The following VAV3 variants were observed in gnomAD, a reference collection of about 807,000 sequenced individuals.
VAV3 encodes guanine nucleotide exchange factor VAV3.
Under a neutral mutation model 131.2 loss-of-function variants are expected in VAV3, and 94 were observed. That is an observed-to-expected ratio of 0.72 (90% CI 0.61 to 0.85). The LOEUF (loss-of-function observed/expected upper bound fraction) is 0.85, where lower values mean the gene tolerates loss of function less well. Ranked by LOEUF, VAV3 falls within the 40% of genes least tolerant of loss-of-function variation. VAV3 has a pLI of 0.00. For missense variants in VAV3, 939 were observed against 1,002.7 expected (o/e 0.94, Z 0.86); for synonymous variants, 349 against 342.0 (o/e 1.02, Z -0.22).
Position 107,572,057 on chromosome 1 carries a change from G to C in VAV3, c.*1274C>G, listed in dbSNP as rs1286416497. The C allele has an allele frequency of 6.6e-6, 1 of 152,174 alleles. No homozygotes were observed. The highest frequency in any genetic ancestry group is 2.4e-5 in the African/African-American group (1 of 41,424). The allele number at this position is 152,174 out of a possible 1,614,324, so 9.4% of individuals were successfully genotyped here. On this transcript the variant is annotated 3_prime_UTR_variant, in exon 27 of 27. Transcript: ENST00000370056. ...GGAGGAAATATTTCCATCAGGAAAGGGCCAAGTTAGTGTCTTAACTTGACT... is the reference window on the plus strand; with the variant it reads ...GGAGGAAATATTTCCATCAGGAAAGCGCCAAGTTAGTGTCTTAACTTGACT...
chr1:107,825,555 T>C (rs1232544908), intron 2 of VAV3, among the ~76,000 whole-genome samples: 1 of 152,118 alleles, frequency 6.6e-6, no homozygotes. Flanking sequence ...TACTTTCTCA[T>C]TCCCATATGA....
intron 24 of VAV3, among the ~76,000 whole-genome samples, chr1:107,601,846 A>G (rs920336749): frequency 6.6e-6 from 1 of 152,204 alleles, no homozygotes; most frequent in African/African-American, 2.4e-5. Context: ...CCATTTAAAT[A>G]TACAATTCCT....
At chr1:107,637,796 T>C (rs2101464861) in intron 20 of VAV3, among the ~76,000 whole-genome samples, 1 of 152,284 alleles carries the variant, frequency 6.6e-6, no homozygotes, top group East Asian at 1.9e-4. Context: ...AATTCATTCC[T>C]TGAACATTAC....
At chr1:107,618,033 C>G (rs771765154) in intron 20 of VAV3, among the ~76,000 whole-genome samples, 1 of 152,092 alleles carries the variant, frequency 6.6e-6, no homozygotes, top group Non-Finnish European at 1.5e-5. Context: ...GCATTAGACT[C>G]TCATAAAGGA....
chr1:107,613,643 T>C (rs879775877), intron 21 of VAV3, among the ~76,000 whole-genome samples: 1 of 152,120 alleles, frequency 6.6e-6, no homozygotes, highest in Non-Finnish European at 1.5e-5. Flanking sequence ...AAATATCTGC[T>C]ATATTTGTGG....
At chr1:107,780,880 A>G (rs993123816) in intron 2 of VAV3, among the ~76,000 whole-genome samples, 13 of 152,166 alleles carry the variant, frequency 8.5e-5, no homozygotes, top group African/African-American at 2.9e-4. Context: ...AACAAACACA[A>G]CTTAAAGAGG....
At chr1:107,623,999 C>T (rs1653801066) in intron 20 of VAV3, among the ~76,000 whole-genome samples, 1 of 152,046 alleles carries the variant, frequency 6.6e-6, no homozygotes, top group Admixed American at 6.6e-5. Flanking sequence ...ATAATTGCAT[C>T]GAGTCATCAA....
intron 2 of VAV3, among the ~76,000 whole-genome samples, chr1:107,800,079 A>G (rs1396514449): frequency 1.3e-5 from 2 of 152,100 alleles, no homozygotes; most frequent in African/African-American, 4.8e-5. Context: ...CATTTTCATT[A>G]CCTATTCATC....
At chr1:107,903,256 G>A (rs1251067466) in intron 1 of VAV3, among the ~76,000 whole-genome samples, 1 of 152,186 alleles carries the variant, frequency 6.6e-6, no homozygotes, top group East Asian at 1.9e-4. Flanking sequence ...AGGATTCAGA[G>A]AGCAGGAAGC....
intron 1 of VAV3, among the ~76,000 whole-genome samples, chr1:107,900,724 C>G (rs1446281871): frequency 6.6e-6 from 1 of 152,134 alleles, no homozygotes; most frequent in Non-Finnish European, 1.5e-5. Context: ...CTATCCTCAC[C>G]AGGACATGGA....
At chr1:107,637,531 G>A (rs1215145579) in intron 20 of VAV3, among the ~76,000 whole-genome samples, 1 of 152,142 alleles carries the variant, frequency 6.6e-6, no homozygotes, top group Non-Finnish European at 1.5e-5. Flanking sequence ...GCTGAGGCAC[G>A]GTAATTGCTT....
chr1:107,705,782 C>T (rs567829410), intron 15 of VAV3, among the ~76,000 whole-genome samples: 13 of 152,160 alleles, frequency 8.5e-5, no homozygotes, highest in South Asian at 4.2e-4. Context: ...CTGCCTGGCA[C>T]GAATAATATC....
chr1:107,926,896 T>G (rs1673184605), intron 1 of VAV3, among the ~76,000 whole-genome samples: 1 of 152,122 alleles, frequency 6.6e-6, no homozygotes, highest in Admixed American at 6.5e-5. Flanking sequence ...TCCTAGGTGA[T>G]TCCTAGTGTT....
intron 1 of VAV3, among the ~76,000 whole-genome samples, chr1:107,958,499 A>G: frequency 6.6e-6 from 1 of 152,224 alleles, no homozygotes; most frequent in Non-Finnish European, 1.5e-5. Context: ...CTGCATCACC[A>G]ACACTAGATG....
chr1:107,681,879 C>T (rs1298422389), intron 19 of VAV3, among the ~76,000 whole-genome samples: 1 of 152,036 alleles, frequency 6.6e-6, no homozygotes, highest in Non-Finnish European at 1.5e-5. Context: ...CCAGGATGGT[C>T]TCCATCTCCT....
intron 2 of VAV3, among the ~76,000 whole-genome samples, chr1:107,822,207 C>T (rs1240665108): frequency 6.6e-6 from 1 of 152,088 alleles, no homozygotes; most frequent in Non-Finnish European, 1.5e-5. Flanking sequence ...ATTGTTAACT[C>T]TGGAAGAGAG....
At chr1:107,837,415 C>T (rs892331563) in intron 2 of VAV3, among the ~76,000 whole-genome samples, 3 of 151,970 alleles carry the variant, frequency 2.0e-5, no homozygotes, top group Non-Finnish European at 4.4e-5. Flanking sequence ...ATTGAAGGAA[C>T]ATTTCCTGAT....
chr1:107,615,494 CCCTGAAGGATAA>C (rs1553175439), intron 21 of VAV3, among the ~76,000 whole-genome samples: 1 of 151,992 alleles, frequency 6.6e-6, no homozygotes, highest in Non-Finnish European at 1.5e-5. Flanking sequence ...GCTATAAAAC[CCCTGAAGGATAA>C]CCTAGGAAAT....
chr1:107,832,477 C>G (rs1254948114), intron 2 of VAV3, among the ~76,000 whole-genome samples: 1 of 152,226 alleles, frequency 6.6e-6, no homozygotes, highest in East Asian at 1.9e-4. Context: ...ATCCAAAAGG[C>G]AGTCCCACTG....
Sources: gnomAD v4.1 joint callset for allele counts (sites outside exome capture counted in the v4.1 genomes callset) on GRCh38, gnomAD v4.1.1 for gene constraint, MANE v1.5 for transcripts, NCBI Gene and HGNC (gene_info 2026-07-23, HGNC 2026-07-21) for gene names.